The following ADAMTS17 variants were observed in gnomAD, a reference collection of about 807,000 sequenced individuals.
The protein encoded by ADAMTS17 is A disintegrin and metalloproteinase with thrombospondin motifs 17.
In ADAMTS17, 113 loss-of-function variants were observed where a neutral mutation model predicts 141.5. The ratio of observed to expected loss-of-function variants is 0.80; its 90% confidence interval spans 0.69 to 0.93. The LOEUF is 0.93. ADAMTS17 is among the 40% of genes least tolerant of loss of function. The pLI is 0.00. For missense variants in ADAMTS17, 1,659 were observed against 1,517.9 expected, an observed-to-expected ratio of 1.09 and a Z score of -1.54; for synonymous variants, 768 against 630.6, an observed-to-expected ratio of 1.22 and a Z score of -3.27.
chr15:100,151,777 C>T (rs2141349280), intron 10 of ADAMTS17, among the ~76,000 whole-genome samples: 1 of 152,304 alleles, frequency 6.6e-6, no homozygotes, highest in Middle Eastern at 3.4e-3. Context: ...TCCCTGTCTG[C>T]TACACAGATG....
intron 3 of ADAMTS17, among the ~76,000 whole-genome samples, 168 bp from the exon 4 acceptor site, chr15:100,281,569 C>G (rs567602123): frequency 6.6e-5 from 10 of 152,300 alleles, no homozygotes; most frequent in Admixed American, 3.3e-4. Context: ...CCCGAGTTCA[C>G]TCACGTAGGG....
At chr15:100,063,882 G>T in intron 15 of ADAMTS17, 1 of 587,440 alleles carries the variant, frequency 1.7e-6, no homozygotes, top group South Asian at 1.6e-5. Context: ...TGGAGGGCTG[G>T]CGCAGAAGAA....
chr15:100,036,910 T>C (rs2030776968), intron 18 of ADAMTS17, among the ~76,000 whole-genome samples: 2 of 152,230 alleles, frequency 1.3e-5, no homozygotes, highest in Non-Finnish European at 2.9e-5. Context: ...TCATTCCTTT[T>C]TATGGCTGAA....
At chr15:100,196,476 A>G (rs961345306) in intron 8 of ADAMTS17, among the ~76,000 whole-genome samples, 7 of 152,228 alleles carry the variant, frequency 4.6e-5, no homozygotes, top group Admixed American at 2.6e-4. Flanking sequence ...TGCTTACACC[A>G]ATCGCCCTAC....
chr15:100,046,954 A>G (rs891290598), intron 18 of ADAMTS17, among the ~76,000 whole-genome samples: 10 of 152,216 alleles, frequency 6.6e-5, no homozygotes, highest in Admixed American at 2.6e-4. Flanking sequence ...TGAGCCAGGC[A>G]GAACAGAGCC....
intron 3 of ADAMTS17, chr15:100,306,513 C>A: frequency 2.2e-6 from 1 of 456,068 alleles, no homozygotes; most frequent in South Asian, 1.5e-5. Flanking sequence ...ATGAATGAGG[C>A]ACCTCCAGAT....
intron 4 of ADAMTS17, among the ~76,000 whole-genome samples, chr15:100,277,635 C>T (rs1040356235): frequency 3.3e-5 from 5 of 152,340 alleles, no homozygotes; most frequent in East Asian, 3.9e-4. Context: ...TGCAGCAATG[C>T]AGCCCGTCAT....
chr15:99,986,227 CT>C (rs771052054), intron 20 of ADAMTS17, among the ~76,000 whole-genome samples: 2 of 152,174 alleles, frequency 1.3e-5, no homozygotes, highest in Non-Finnish European at 2.9e-5. Context: ...TGAAAACTGT[CT>C]GTAACTACCC....
At chr15:100,002,424 G>A (rs1039843878) in intron 18 of ADAMTS17, among the ~76,000 whole-genome samples, 3 of 152,098 alleles carry the variant, frequency 2.0e-5, no homozygotes, top group Non-Finnish European at 2.9e-5. Context: ...TTCCCAGCAC[G>A]TGACCACGGC....
chr15:100,000,488 G>A (rs966507914), intron 18 of ADAMTS17, among the ~76,000 whole-genome samples: 2 of 152,118 alleles, frequency 1.3e-5, no homozygotes, highest in South Asian at 2.1e-4. Flanking sequence ...GGGACAATAA[G>A]CACACACATA....
intron 8 of ADAMTS17, among the ~76,000 whole-genome samples, chr15:100,178,271 T>C (rs1435920280): frequency 6.6e-6 from 1 of 152,180 alleles, no homozygotes; most frequent in Non-Finnish European, 1.5e-5. Flanking sequence ...GAACATCAAT[T>C]AGAGTTTGAT....
At chr15:100,217,732 C>A (rs1327944267) in intron 7 of ADAMTS17, among the ~76,000 whole-genome samples, 3 of 152,056 alleles carry the variant, frequency 2.0e-5, no homozygotes, top group African/African-American at 7.2e-5. Flanking sequence ...TCGGAAGATA[C>A]CATCAAGAAA....
intron 15 of ADAMTS17, among the ~76,000 whole-genome samples, chr15:100,085,227 T>C (rs911068046): frequency 2.0e-5 from 3 of 151,924 alleles, no homozygotes; most frequent in South Asian, 2.1e-4. Context: ...CGTGATCAAC[T>C]GGAAGAAAGG....
In ADAMTS17 at chr15:99,972,180, G is replaced by A. The variant is rs1353621546; in HGVS notation, c.*2222C>T. The A allele has an allele frequency of 1.3e-5, 2 of 152,232 alleles. No individual in the cohort carries two copies. Among genetic ancestry groups the A allele is most frequent in the Non-Finnish European group, 1.5e-5 (1 of 68,080 alleles). 9.4% of individuals were successfully genotyped at this position (152,232 alleles called of 1,614,324 possible). A position where few individuals can be genotyped will look rare whatever the true frequency, so the allele number is the denominator to read the frequency against. ...GCAGAAGAATGGCCTGAACCCGGGAGGCGGAGCTTTCAATGAGCTGAGATC... is the reference window on the plus strand; with the variant it reads ...GCAGAAGAATGGCCTGAACCCGGGAAGCGGAGCTTTCAATGAGCTGAGATC... On this transcript the variant is annotated 3_prime_UTR_variant, in exon 22 of 22. Coordinates refer to ENST00000268070, the MANE Select transcript of ADAMTS17 (RefSeq NM_139057.4).
chr15:100,078,222 T>C (rs115159975), intron 15 of ADAMTS17, among the ~76,000 whole-genome samples: 23,722 of 152,000 alleles, frequency 0.16, 3,586 homozygotes, highest in African/African-American at 0.4. Context: ...CAGCTTTTTT[T>C]TTTTTTTGCG....
chr15:100,093,582 A>G, intron 15 of ADAMTS17, among the ~76,000 whole-genome samples: 1 of 151,944 alleles, frequency 6.6e-6, no homozygotes, highest in Non-Finnish European at 1.5e-5. Flanking sequence ...TCTCGCAAGG[A>G]TATGTTTCCC....
rs551647152 is a variant in ADAMTS17, at chr15:100,060,986, G to A, written c.2138-6932C>T. ...CAGGCTTGCCCGAATCCATCAGCCA[G>A]GCCCTGGAGTCCTGGGATTATGCCT... On this transcript the variant is annotated intron_variant, in intron 15 of 21. Coordinates refer to ENST00000268070, the MANE Select transcript of ADAMTS17 (RefSeq NM_139057.4). Among the ~76,000 whole-genome samples, 3 of 152,296 alleles carry A rather than the reference G, an allele frequency of 2.0e-5. 1 individual carries two copies. Among genetic ancestry groups the A allele is most frequent in the African/African-American group, 4.8e-5 (2 of 41,560 alleles).
rs1239206067 is a variant in ADAMTS17, at chr15:99,974,446, C to T, written c.3244G>A (p.Asp1082Asn). 4.3e-6 allele frequency: 7 copies of T among 1,614,080 alleles called. No individual in the cohort carries two copies. Among genetic ancestry groups the T allele is most frequent in the African/African-American group, 1.3e-5 (1 of 74,946 alleles). Reference sequence around the variant, plus strand: ...TGGCGCATCTTGTTTGCATAGAAGTCCCTGCAGGTCTGGCAGCAGCGCTGG... The same window carrying T: ...TGGCGCATCTTGTTTGCATAGAAGTTCCTGCAGGTCTGGCAGCAGCGCTGG... The part of the protein sequence containing the change: ...WYQRCCQTCR[D>N]FYANKMRQPP... Residue 1082 changes from aspartate (D) to asparagine (N), a missense_variant, in exon 22 of 22, where the codon GAC (aspartate) becomes AAC (asparagine). By Grantham distance (23) the Asp-to-Asn change is conservative. Transcript: ENST00000268070.
chr15:100,111,069 T>A (rs149736297), intron 13 of ADAMTS17, among the ~76,000 whole-genome samples: 229 of 152,316 alleles, frequency 1.5e-3, no homozygotes, highest in African/African-American at 5.4e-3. Flanking sequence ...GGTAAACATC[T>A]GCCCACGAGA....
Sources: allele counts gnomAD v4.1 joint callset (sites outside exome capture counted in the v4.1 genomes callset), GRCh38; gene constraint gnomAD v4.1.1; transcripts MANE v1.5; gene names NCBI Gene and HGNC (gene_info 2026-07-23, HGNC 2026-07-21).